Variants in FRMD4A observed in about 807,000 individuals in gnomAD.
FRMD4A encodes FERM domain-containing protein 4A.
FRMD4A carries 29 observed loss-of-function variants against 129.1 expected under a neutral mutation model. The ratio of observed to expected loss-of-function variants is 0.22; its 90% confidence interval spans 0.17 to 0.31. The LOEUF (loss-of-function observed/expected upper bound fraction) is 0.31. FRMD4A is among the 10% of genes least tolerant of loss of function. The probability of loss-of-function intolerance (pLI) is 1.00; values close to 1 mark genes in which losing one functional copy is unlikely to be tolerated. For missense variants in FRMD4A, 1,272 were observed against 1,375.8 expected (o/e 0.92, Z 1.19); for synonymous variants, 634 against 571.6 (o/e 1.11, Z -1.56).
At chr10:13,864,577 CTTT>C (rs60899227) in intron 2 of FRMD4A, among the ~76,000 whole-genome samples, 13 of 136,958 alleles carry the variant, frequency 9.5e-5, no homozygotes, top group Admixed American at 2.2e-4. Flanking sequence ...TTCTTTCTTT[CTTT>C]TTTTTTTTTT....
chr10:13,872,673 A>T (rs1325188919), intron 2 of FRMD4A, among the ~76,000 whole-genome samples: 2 of 152,212 alleles, frequency 1.3e-5, no homozygotes, highest in Non-Finnish European at 2.9e-5. Flanking sequence ...CTAACATCCA[A>T]CTGTTCCCTG....
At chr10:13,905,774 A>C (rs956090636) in intron 2 of FRMD4A, among the ~76,000 whole-genome samples, 2 of 152,220 alleles carry the variant, frequency 1.3e-5, no homozygotes, top group African/African-American at 4.8e-5. Flanking sequence ...TATCCAAGTC[A>C]ATTTTTAAGA....
rs954752599 is a variant in FRMD4A, at chr10:14,207,350, G to A, written c.45+122708C>T. On this transcript the variant is annotated intron_variant, in intron 2 of 24. Transcript: ENST00000357447. The stretch of plus-strand genomic sequence containing the variant: ...ATGATTCAAGCGCATTACATTTATT[G>A]TGCACTTAATTTCTGTTATTATTAC... Among the ~76,000 whole-genome samples the A allele has an allele frequency of 5.9e-5, 9 of 152,000 alleles. 1 individual carries two copies. In the South Asian group the frequency reaches 1.9e-3, roughly 32 times the overall value.
chr10:13,795,741 T>G (rs772067803), intron 5 of FRMD4A, among the ~76,000 whole-genome samples: 2 of 152,204 alleles, frequency 1.3e-5, no homozygotes, highest in Non-Finnish European at 2.9e-5. Flanking sequence ...TCGGAGCTGC[T>G]GGACTGGGGG....
At chr10:13,699,906 T>C (rs1379497585) in intron 14 of FRMD4A, among the ~76,000 whole-genome samples, 1 of 152,274 alleles carries the variant, frequency 6.6e-6, no homozygotes, top group East Asian at 1.9e-4. Context: ...CCAGGAGAGC[T>C]GCGGAGAATA....
In FRMD4A at chr10:13,774,210, G is replaced by T. The variant is rs184871292; in HGVS notation, c.384+8712C>A. ...CCATATTTTAATTTTCTGCAACTTGGATAGATTATGACTACATTTTCCTGC... is the reference window on the plus strand; with the variant it reads ...CCATATTTTAATTTTCTGCAACTTGTATAGATTATGACTACATTTTCCTGC... On this transcript the variant is annotated intron_variant, in intron 6 of 24. Transcript: ENST00000357447. 1.6e-3 allele frequency among the ~76,000 whole-genome samples: 251 copies of T among 152,258 alleles called. 2 individuals carry two copies. The highest frequency in any genetic ancestry group is 1.3e-4 in the Non-Finnish European group (9 of 68,022).
intron 2 of FRMD4A, among the ~76,000 whole-genome samples, chr10:14,211,956 C>T (rs1842944236): frequency 6.6e-6 from 1 of 152,190 alleles, no homozygotes; most frequent in Non-Finnish European, 1.5e-5. Flanking sequence ...TGGTGTTTCT[C>T]TCTGTGATGG....
At chr10:13,722,316 C>T (rs952807568) in intron 12 of FRMD4A, among the ~76,000 whole-genome samples, 5 of 149,354 alleles carry the variant, frequency 3.3e-5, no homozygotes, top group Non-Finnish European at 7.4e-5. Context: ...ACTGCAGCCT[C>T]GAATTCCTGG....
chr10:13,874,228 A>G (rs1407934055), intron 2 of FRMD4A, among the ~76,000 whole-genome samples: 3 of 129,384 alleles, frequency 2.3e-5, no homozygotes, highest in Non-Finnish European at 4.7e-5. Context: ...CCTGGGTGAC[A>G]GAGTGAGACA....
intron 14 of FRMD4A, among the ~76,000 whole-genome samples, chr10:13,700,572 T>G (rs1431680260): frequency 1.3e-5 from 2 of 152,162 alleles, no homozygotes; most frequent in Non-Finnish European, 2.9e-5. Flanking sequence ...GGCAGGGCTC[T>G]TCCCCTGAGG....
chr10:14,184,149 T>TTTTTTTTTTTTTTTTTTTTTTTC (rs1842000883), intron 2 of FRMD4A, among the ~76,000 whole-genome samples: 1 of 85,634 alleles, frequency 1.2e-5, no homozygotes, highest in Non-Finnish European at 2.2e-5. Context: ...TTTTTTTTTT[T>TTTTTTTTTTTTTTTTTTTTTTTC]GAGAGAGTCT....
At chr10:13,728,530 G>A (rs935164533) in intron 12 of FRMD4A, among the ~76,000 whole-genome samples, 7 of 148,658 alleles carry the variant, frequency 4.7e-5, no homozygotes, top group African/African-American at 1.5e-4. Context: ...CACCCTGTAC[G>A]GAATTCTAAG....
intron 2 of FRMD4A, among the ~76,000 whole-genome samples, chr10:14,163,818 C>T (rs1179312560): frequency 6.6e-6 from 1 of 152,218 alleles, no homozygotes; most frequent in Non-Finnish European, 1.5e-5. Context: ...TCATCTCACT[C>T]CTCTTGCTTC....
At chr10:14,262,473 G>T (rs997656372) in intron 2 of FRMD4A, among the ~76,000 whole-genome samples, 6 of 152,134 alleles carry the variant, frequency 3.9e-5, no homozygotes, top group Admixed American at 3.3e-4. Flanking sequence ...GTGTGTCGAG[G>T]CTTATCTAGA....
rs1835444573 is a variant in FRMD4A, at chr10:14,074,090, G to A, written c.46-215178C>T. On this transcript the variant is annotated intron_variant, in intron 2 of 24. Coordinates refer to ENST00000357447, the MANE Select transcript of FRMD4A (RefSeq NM_018027.5). ...CGTGCCCCTGCACTCCAGCCTGGAT[G>A]ACAGAGCAAGATAGTCTCAAAAAAA... Among the ~76,000 whole-genome samples, 3 of 152,296 alleles carry A rather than the reference G, an allele frequency of 2.0e-5. No homozygotes were observed. In the South Asian group the frequency reaches 6.2e-4, roughly 32 times the overall value.
intron 2 of FRMD4A, among the ~76,000 whole-genome samples, chr10:14,176,371 T>C (rs1841726593): frequency 1.3e-5 from 2 of 152,028 alleles, no homozygotes; most frequent in Admixed American, 1.3e-4. Flanking sequence ...AGTCTCTTTG[T>C]GACACTTCTC....
intron 2 of FRMD4A, among the ~76,000 whole-genome samples, chr10:14,187,105 C>A (rs1410259964): frequency 3.2e-5 from 4 of 124,296 alleles, no homozygotes; most frequent in African/African-American, 3.1e-5. Context: ...GGTGACAGAG[C>A]AAGGCTCTGT....
At chr10:13,709,570 T>A (rs2087806333) in intron 12 of FRMD4A, among the ~76,000 whole-genome samples, 1 of 152,188 alleles carries the variant, frequency 6.6e-6, no homozygotes, top group Admixed American at 6.5e-5. Context: ...TGCAAATCCT[T>A]AAATACAGAG....
chr10:13,817,438 C>A (rs968533243), intron 3 of FRMD4A, among the ~76,000 whole-genome samples: 1 of 152,222 alleles, frequency 6.6e-6, no homozygotes, highest in Non-Finnish European at 1.5e-5. Context: ...CAGCACTTAA[C>A]GTGTTGCAGG....
Sources: gnomAD v4.1 joint callset for allele counts (sites outside exome capture counted in the v4.1 genomes callset) on GRCh38, gnomAD v4.1.1 for gene constraint, MANE v1.5 for transcripts, NCBI Gene and HGNC (gene_info 2026-07-23, HGNC 2026-07-21) for gene names.